The following TGM4 variants were observed in gnomAD, a reference collection of about 807,000 sequenced individuals.
TGM4 encodes the protein transglutaminase 4.
In TGM4, 61 loss-of-function variants were observed where a neutral mutation model predicts 76.3. The ratio of observed to expected loss-of-function variants is 0.80; its 90% confidence interval spans 0.65 to 0.99. TGM4 has a LOEUF of 0.99. Among genes scored for constraint, TGM4 ranks in the 50% least tolerant of loss-of-function variants. The pLI is 0.00. For synonymous variants in TGM4, 337 were observed against 329.8 expected, an observed-to-expected ratio of 1.02 and a Z score of -0.24; for missense variants, 794 against 843.2, an observed-to-expected ratio of 0.94 and a Z score of 0.72.
At chr3:44,902,924 C>A (rs2125757552) in intron 8 of TGM4, among the ~76,000 whole-genome samples, 2 of 152,350 alleles carry the variant, frequency 1.3e-5, no homozygotes. Context: ...ATTCCCGAGG[C>A]ATTTCAGTTG....
At position 44,893,715 on chromosome 3, in the gene TGM4, T is replaced by G. The variant is rs1699735745; in HGVS notation, c.549+20T>G. The G allele has an allele frequency of 1.9e-6, 3 of 1,605,082 alleles. No individual in the cohort carries two copies. On this transcript the variant is annotated intron_variant, in intron 5 of 13. Transcript: ENST00000296125. ...GGTCAGGTAATGATTTGTCGTCTTG[T>G]GGCTGCACCAGGCCCCATCTGCTAG...
At chr3:44,883,873 T>C (rs1002986562) in intron 1 of TGM4, among the ~76,000 whole-genome samples, 2 of 152,226 alleles carry the variant, frequency 1.3e-5, no homozygotes, top group African/African-American at 4.8e-5. Flanking sequence ...CCAGTTTCCA[T>C]GGCTGGCCTC....
At chr3:44,890,777 G>C (rs758337634) in intron 4 of TGM4, 45 bp downstream of exon 4, 1 of 1,608,050 alleles carries the variant, frequency 6.2e-7, no homozygotes, top group Admixed American at 1.7e-5. Flanking sequence ...GGTGACCCCG[G>C]CAAAACCTGC....
intron 6 of TGM4, among the ~76,000 whole-genome samples, chr3:44,899,977 G>A (rs1699830421): frequency 6.6e-6 from 1 of 152,144 alleles, no homozygotes; most frequent in East Asian, 1.9e-4. Flanking sequence ...CATTCTGTTG[G>A]TTAGAAGTGA....
At chr3:44,903,663 T>G (rs1272846659) in intron 8 of TGM4, 5 of 563,870 alleles carry the variant, frequency 8.9e-6, no homozygotes, top group Non-Finnish European at 1.6e-5. Context: ...CCCCCAGCCC[T>G]GCCCCCTGCA....
At chr3:44,897,455 G>T (rs1173048677) in intron 6 of TGM4, among the ~76,000 whole-genome samples, 2 of 152,218 alleles carry the variant, frequency 1.3e-5, no homozygotes, top group Non-Finnish European at 2.9e-5. Context: ...CTGGGCTCCA[G>T]TTGGGTGAGC....
At chr3:44,879,265 C>CTCTCTCTCTCTCTCTCTATATATA (rs1482970491) in intron 1 of TGM4, among the ~76,000 whole-genome samples, 2 of 92,294 alleles carry the variant, frequency 2.2e-5, no homozygotes, top group African/African-American at 8.8e-5. Context: ...CTCTCTCTCT[C>CTCTCTCTCTCTCTCTCTATATATA]TATATATATA....
chr3:44,893,933 C>CGGCCCTCTCCCACCCCCCAT (rs1699739453), intron 5 of TGM4, among the ~76,000 whole-genome samples: 1 of 91,932 alleles, frequency 1.1e-5, no homozygotes, highest in Non-Finnish European at 2.3e-5. Context: ...ATCCACCCCA[C>CGGCCCTCTCCCACCCCCCAT]GGCTCTCTCC....
chr3:44,879,287 A>ATT (rs71092343), intron 1 of TGM4, among the ~76,000 whole-genome samples: 4 of 124,898 alleles, frequency 3.2e-5, no homozygotes, highest in African/African-American at 1.1e-4. Context: ...ATATATATAT[A>ATT]GTTTATTTAA....
chr3:44,911,749 T>G (rs1700008726), intron 13 of TGM4, among the ~76,000 whole-genome samples: 1 of 152,236 alleles, frequency 6.6e-6, no homozygotes, highest in South Asian at 2.1e-4. Context: ...TTTTTTCATA[T>G]TGGTATGGTG....
At chr3:44,887,897 T>G in intron 3 of TGM4, 102 bp downstream of exon 3, 1 of 1,039,224 alleles carries the variant, frequency 9.6e-7, no homozygotes, top group Non-Finnish European at 1.5e-6. Context: ...GCTGGTAACA[T>G]GGTTTAAAGC....
intron 1 of TGM4, 95 bp downstream of exon 1, chr3:44,874,792 G>T: frequency 6.7e-7 from 1 of 1,492,006 alleles, no homozygotes; most frequent in African/African-American, 1.4e-5. Flanking sequence ...TGGGGCCATT[G>T]CCCTCTCACC....
intron 1 of TGM4, among the ~76,000 whole-genome samples, chr3:44,879,286 T>G (rs1699498023): frequency 1.4e-5 from 2 of 143,420 alleles, no homozygotes; most frequent in South Asian, 4.5e-4. Flanking sequence ...TATATATATA[T>G]AGTTTATTTA....
At chr3:44,888,191 A>T (rs1699639294) in intron 3 of TGM4, 1 of 201,356 alleles carries the variant, frequency 5.0e-6, no homozygotes, top group Non-Finnish European at 1.0e-5. Flanking sequence ...CTCACTTGAC[A>T]AGACCTAATG....
intron 1 of TGM4, among the ~76,000 whole-genome samples, 155 bp downstream of exon 1, chr3:44,874,852 A>G (rs1429360649): frequency 6.6e-6 from 1 of 152,256 alleles, no homozygotes; most frequent in Non-Finnish European, 1.5e-5. Flanking sequence ...CCCTTTTTAG[A>G]AAACCCACAA....
intron 3 of TGM4, 71 bp from the exon 4 acceptor site, chr3:44,890,532 T>C (rs569703277): frequency 5.3e-5 from 84 of 1,577,596 alleles, no homozygotes; most frequent in African/African-American, 4.2e-4. Flanking sequence ...CGGATTCTTC[T>C]GGGAAGCATT....
intron 2 of TGM4, 63 bp from the exon 3 acceptor site, chr3:44,887,626 C>G: frequency 2.0e-6 from 3 of 1,520,684 alleles, no homozygotes; most frequent in South Asian, 1.2e-5. Flanking sequence ...GGGCCCGAAC[C>G]AGAGGAGATT....
At chr3:44,904,935 G>T (rs1207733970) in intron 9 of TGM4, among the ~76,000 whole-genome samples, 1 of 151,878 alleles carries the variant, frequency 6.6e-6, no homozygotes, top group Non-Finnish European at 1.5e-5. Flanking sequence ...ACCTCCCTTG[G>T]CCTCCCAAAG....
Position 44,874,690 on chromosome 3 carries a change from A to G in TGM4, c.12A>G (p.Ala4=). 6.2e-7 allele frequency: 1 copy of G among 1,614,220 alleles called. No individual in the cohort carries two copies. The highest frequency in any genetic ancestry group is 8.5e-7 in the Non-Finnish European group (1 of 1,180,036). Residue 4 remains alanine (A), a synonymous_variant, in exon 1 of 14, where the codon GCA becomes GCG. Coordinates refer to ENST00000296125, the MANE Select transcript of TGM4 (RefSeq NM_003241.4). MMD[A]SKELQVLHID... is the part of the protein sequence containing the mutation. Reference sequence around the variant, plus strand: ...GAGAATCTGAAGGGATGATGGATGCATCAAAAGGTGAGTGGGTGAAATCTC... The same window carrying G: ...GAGAATCTGAAGGGATGATGGATGCGTCAAAAGGTGAGTGGGTGAAATCTC...
Sources: gnomAD v4.1 joint callset for allele counts (sites outside exome capture counted in the v4.1 genomes callset) on GRCh38, gnomAD v4.1.1 for gene constraint, MANE v1.5 for transcripts, NCBI Gene and HGNC (gene_info 2026-07-23, HGNC 2026-07-21) for gene names.